The following EDA variants were observed in gnomAD, a reference collection of about 807,000 sequenced individuals.
EDA encodes the protein ectodysplasin-A.
EDA carries 2 observed loss-of-function variants against 23.6 expected under a neutral mutation model. The ratio of observed to expected loss-of-function variants is 0.08; its 90% CI spans 0.03 to 0.27. EDA has a LOEUF of 0.27. Ranked by LOEUF, EDA falls within the 10% of genes least tolerant of loss-of-function variation. The pLI, the probability that EDA is intolerant of heterozygous loss-of-function variation, is 1.00. For synonymous variants in EDA, 131 were observed against 132.0 expected (o/e 0.99, Z 0.05); for missense variants, 229 against 324.2 (o/e 0.71, Z 2.26).
Position 70,027,891 on chromosome X carries a change from TCCAGGACCC to T in EDA, c.570_578del (p.Pro194_Pro196del), listed in dbSNP as rs973726321. ...CAGGACCTCCTGGACCCAATGGCCC[TCCAGGACCC>T]CCAGGACCTCCAGGACCCCAGGGAC... On this transcript the variant is annotated inframe_deletion, in exon 4 of 8. Transcript: ENST00000374552. The T allele has an allele frequency of 3.6e-5, 39 of 1,091,940 alleles. No homozygotes were observed. Among genetic ancestry groups the T allele is most frequent in the East Asian group, 1.3e-4 (4 of 31,171 alleles). 90.0% of individuals were successfully genotyped at this position (1,091,940 alleles called of 1,213,427 possible).
At chrX:69,962,020 G>A (rs1307900100) in intron 2 of EDA, among the ~76,000 whole-genome samples, 1 of 112,163 alleles carries the variant, frequency 8.9e-6, no homozygotes, top group Non-Finnish European at 1.9e-5. Context: ...GAATGTATTT[G>A]GGAGGTCATG....
chrX:69,735,577 C>T (rs997402576), intron 1 of EDA, among the ~76,000 whole-genome samples: 12 of 111,465 alleles, frequency 1.1e-4, no homozygotes, highest in Non-Finnish European at 2.3e-4. Flanking sequence ...TAATTCTTTG[C>T]GTCTGTTCTG....
chrX:69,645,612 ATATG>A (rs1284222545), intron 1 of EDA, among the ~76,000 whole-genome samples: 1 of 63,914 alleles, frequency 1.6e-5, no homozygotes, highest in Non-Finnish European at 2.5e-5. Flanking sequence ...GTATATATAT[ATATG>A]TGTGTGTATA....
At chrX:69,999,230 AC>A (rs1211577426) in intron 2 of EDA, among the ~76,000 whole-genome samples, 1 of 112,117 alleles carries the variant, frequency 8.9e-6, no homozygotes. Flanking sequence ...AAAGTGTCAC[AC>A]ACTAGGAATA....
chrX:70,006,262 A>G (rs2019800966), intron 2 of EDA, among the ~76,000 whole-genome samples: 1 of 112,234 alleles, frequency 8.9e-6, no homozygotes, highest in Non-Finnish European at 1.9e-5. Context: ...TATGGGTCAT[A>G]TGGTAAGACT....
At chrX:69,867,813 C>T (rs2017509987) in intron 1 of EDA, among the ~76,000 whole-genome samples, 1 of 111,841 alleles carries the variant, frequency 8.9e-6, no homozygotes, top group Non-Finnish European at 1.9e-5. Context: ...GCATTTGAGC[C>T]ACTTCCTCAT....
intron 1 of EDA, among the ~76,000 whole-genome samples, chrX:69,757,387 A>G (rs1251694876): frequency 8.9e-6 from 1 of 111,919 alleles, no homozygotes; most frequent in Non-Finnish European, 1.9e-5. Flanking sequence ...TAGCCAACTT[A>G]ATTCCAAGGT....
intron 1 of EDA, among the ~76,000 whole-genome samples, chrX:69,792,802 CACTTTTTG>C (rs2015438514): frequency 8.9e-6 from 1 of 111,928 alleles, no homozygotes; most frequent in African/African-American, 3.2e-5. Flanking sequence ...GCCCTTTGCC[CACTTTTTG>C]ATGGGATTAT....
At chrX:69,626,317 A>G (rs923358549) in intron 1 of EDA, among the ~76,000 whole-genome samples, 2 of 112,132 alleles carry the variant, frequency 1.8e-5, no homozygotes, top group Non-Finnish European at 3.8e-5. Context: ...TATACCTAAG[A>G]TAATTGAAAA....
chrX:69,937,026 A>G, intron 1 of EDA: 1 of 426,256 alleles, frequency 2.3e-6, no homozygotes, highest in Non-Finnish European at 4.1e-6. Flanking sequence ...ACTGAAAGGC[A>G]GACAATAAAA....
chrX:70,023,234 GA>G lies in EDA; in HGVS notation c.524del (p.Lys175ArgfsTer105). The G allele has an allele frequency of 4.5e-6, 5 of 1,103,278 alleles. No homozygotes were observed. The highest frequency in any genetic ancestry group is 3.7e-6 in the Non-Finnish European group (3 of 801,689). The allele number at this position is 1,103,278 out of a possible 1,213,427, so 90.9% of individuals were successfully genotyped here. A position where few individuals can be genotyped will look rare whatever the true frequency, so the allele number is the denominator to read the frequency against. On this transcript the variant is annotated frameshift_variant, in exon 3 of 8. Transcript: ENST00000374552. LOFTEE classifies it high-confidence loss of function. ...TTCTTATAGGCCCAGTTAAAAACAA[GA>G]AAAAGGGTAAGTTCCTGACTTTATA... ...EGADGPVKNK[K>X]KGKKAGPPGP...
intron 2 of EDA, among the ~76,000 whole-genome samples, chrX:70,004,728 AACTGGT>A (rs2019779271): frequency 9.0e-6 from 1 of 111,642 alleles, no homozygotes; most frequent in African/African-American, 3.3e-5. Context: ...TTCCTTTACT[AACTGGT>A]ACTGAATAAA....
At position 69,937,461 on chromosome X, in the gene EDA, C is replaced by T. The variant is rs760115412; in HGVS notation, c.397-19566C>T. On this transcript the variant is annotated intron_variant, in intron 1 of 7. Transcript: ENST00000374552. The stretch of plus-strand genomic sequence containing the variant: ...ATCATAAATGACAGGTAAAAACAAT[C>T]GAAGGATCTCAAAGAAGTCAAGTTC... 2.7e-5 allele frequency: 21 copies of T among 790,641 alleles called. No homozygotes were observed. In the South Asian group the frequency reaches 3.1e-4, roughly 12 times the overall value. 65.2% of individuals were successfully genotyped at this position (790,641 alleles called of 1,213,427 possible).
intron 1 of EDA, among the ~76,000 whole-genome samples, chrX:69,950,965 T>G: frequency 1.1e-5 from 1 of 87,125 alleles, no homozygotes; most frequent in Non-Finnish European, 2.2e-5. Flanking sequence ...GGGGGAGGGA[T>G]AGCATTGGGA....
intron 1 of EDA, among the ~76,000 whole-genome samples, chrX:69,760,401 C>T (rs192768214): frequency 9.0e-6 from 1 of 111,241 alleles, no homozygotes; most frequent in Admixed American, 9.5e-5. Flanking sequence ...GTTACAACTT[C>T]TCATAGTAAA....
At chrX:69,723,137 A>T (rs1426627135) in intron 1 of EDA, among the ~76,000 whole-genome samples, 1 of 112,115 alleles carries the variant, frequency 8.9e-6, no homozygotes, top group Non-Finnish European at 1.9e-5. Context: ...GTGAAATTTC[A>T]CCTAATTTAA....
chrX:69,837,043 C>A (rs1287616757), intron 1 of EDA, among the ~76,000 whole-genome samples: 1 of 111,346 alleles, frequency 9.0e-6, no homozygotes, highest in Non-Finnish European at 1.9e-5. Flanking sequence ...GTTTCTTTTT[C>A]ATTTTTGTGG....
intron 1 of EDA, among the ~76,000 whole-genome samples, chrX:69,681,530 C>T (rs1208449806): frequency 1.8e-5 from 2 of 111,052 alleles, no homozygotes; most frequent in African/African-American, 6.6e-5. Context: ...TCTTTTTATT[C>T]TTTTTTCTCT....
At chrX:69,654,845 C>G (rs932489866) in intron 1 of EDA, among the ~76,000 whole-genome samples, 1 of 107,784 alleles carries the variant, frequency 9.3e-6, no homozygotes, top group African/African-American at 3.4e-5. Context: ...ATACCTAATG[C>G]TAAATGATGA....
Sources: gnomAD v4.1 joint callset for allele counts (sites outside exome capture counted in the v4.1 genomes callset) on GRCh38, gnomAD v4.1.1 for gene constraint, MANE v1.5 for transcripts, NCBI Gene and HGNC (gene_info 2026-07-23, HGNC 2026-07-21) for gene names.